Variants in AK9 observed in about 807,000 individuals in gnomAD.
AK9 encodes adenylate kinase domain containing 1.
AK9 carries 191 observed loss-of-function variants against 239.6 expected under a neutral mutation model. That is an observed-to-expected ratio of 0.80 (90% confidence interval 0.71 to 0.90). The LOEUF is 0.90. Ranked by LOEUF, AK9 falls within the 40% of genes least tolerant of loss-of-function variation. AK9 has a pLI of 0.00. For missense variants in AK9, 1,995 were observed against 2,214.7 expected, an observed-to-expected ratio of 0.90 and a Z score of 1.99; for synonymous variants, 689 against 721.0, an observed-to-expected ratio of 0.96 and a Z score of 0.71.
intron 21 of AK9, among the ~76,000 whole-genome samples, chr6:109,572,816 C>G (rs1460934975): frequency 6.6e-6 from 1 of 152,094 alleles, no homozygotes; most frequent in Admixed American, 6.6e-5. Flanking sequence ...AAGCCTCATT[C>G]CCACCACAGG....
intron 28 of AK9, among the ~76,000 whole-genome samples, chr6:109,532,933 C>T (rs965032260): frequency 6.6e-6 from 1 of 152,104 alleles, no homozygotes; most frequent in Admixed American, 6.6e-5. Flanking sequence ...AAAAAGACCT[C>T]TGAAATTTTA....
rs117858784 is a variant in AK9, at chr6:109,526,561, C to T, written c.3633+2450G>A. Among the ~76,000 whole-genome samples, 31 of 151,966 alleles carry T rather than the reference C, an allele frequency of 2.0e-4. No individual in the cohort carries two copies. In the East Asian group the frequency reaches 6.0e-3, roughly 30 times the overall value. On this transcript the variant is annotated intron_variant, in intron 29 of 40. Coordinates refer to ENST00000424296, the MANE Select transcript of AK9 (RefSeq NM_001145128.3). ...GCTACATCTGGACAGAAGCTTGTGC[C>T]AGGAGAGCGATGGATTTTTTTATGA...
chr6:109,510,915 C>T (rs1399033158), intron 32 of AK9, among the ~76,000 whole-genome samples: 1 of 152,168 alleles, frequency 6.6e-6, no homozygotes, highest in African/African-American at 2.4e-5. Context: ...ATGATATCAA[C>T]AGCAAGCTAA....
At chr6:109,650,111 A>T (rs184254471) in intron 8 of AK9, among the ~76,000 whole-genome samples, 2 of 152,260 alleles carry the variant, frequency 1.3e-5, no homozygotes, top group African/African-American at 2.4e-5. Flanking sequence ...CTTAAATGTT[A>T]GACCTAAAAC....
At chr6:109,627,140 T>TTC (rs1795627192) in intron 12 of AK9, among the ~76,000 whole-genome samples, 1 of 142,566 alleles carries the variant, frequency 7.0e-6, no homozygotes, top group African/African-American at 2.6e-5. Flanking sequence ...AAGCTTTTTT[T>TTC]TTTTTTTTTT....
intron 24 of AK9, among the ~76,000 whole-genome samples, chr6:109,553,940 C>A (rs1034768442): frequency 6.6e-6 from 1 of 152,160 alleles, no homozygotes; most frequent in African/African-American, 2.4e-5. Flanking sequence ...AAGGCCTTTT[C>A]TGCATCTATT....
intron 17 of AK9, among the ~76,000 whole-genome samples, chr6:109,597,391 T>G (rs1382271508): frequency 6.6e-6 from 1 of 151,984 alleles, no homozygotes; most frequent in Non-Finnish European, 1.5e-5. Context: ...AATTTTTTTT[T>G]GCCGGGCGCG....
chr6:109,570,925 GGAAAAGAAC>G (rs1361687010), intron 21 of AK9, among the ~76,000 whole-genome samples: 1 of 152,060 alleles, frequency 6.6e-6, no homozygotes, highest in East Asian at 1.9e-4. Flanking sequence ...CACCCCTGTA[GGAAAAGAAC>G]GAAAAGAACA....
In AK9 at chr6:109,644,638, A is replaced by G. The variant is rs1200618478; in HGVS notation, c.810T>C (p.Asn270=). The G allele has an allele frequency of 2.5e-6, 4 of 1,612,330 alleles. No homozygotes were observed. Among genetic ancestry groups the G allele is most frequent in the Non-Finnish European group, 3.4e-6 (4 of 1,179,852 alleles). ...NPQYLIELNG[N]KPAEELFMIV... ...CCATAAAGAGCTCCTCTGCTGGTTTATTTCCATTTAGCTCAATGAGATACT... is the reference window on the plus strand; with the variant it reads ...CCATAAAGAGCTCCTCTGCTGGTTTGTTTCCATTTAGCTCAATGAGATACT... Residue 270 remains asparagine, a synonymous_variant, in exon 9 of 41, where the codon AAT becomes AAC. Transcript: ENST00000424296.
At chr6:109,553,153 G>A (rs1293991516) in intron 24 of AK9, among the ~76,000 whole-genome samples, 1 of 152,102 alleles carries the variant, frequency 6.6e-6, no homozygotes, top group Non-Finnish European at 1.5e-5. Context: ...CTCTAGCTTT[G>A]TTCTTTTTGC....
rs765512837 is a variant in AK9, at chr6:109,550,084, T to TCTCAA, written c.2964+5_2964+6insTTGAG. ...AGCAATCATTAAGATAGGAATACTG[T>TCTCAA]CTCACCTTCAATGGTTCTTCATGAG... On this transcript the variant is annotated splice_donor_region_variant and intron_variant, in intron 25 of 40. Coordinates refer to ENST00000424296, the MANE Select transcript of AK9 (RefSeq NM_001145128.3). The TCTCAA allele has an allele frequency of 5.1e-5, 83 of 1,613,264 alleles. No homozygotes were observed. Among genetic ancestry groups the TCTCAA allele is most frequent in the South Asian group, 2.0e-4 (18 of 90,934 alleles).
In AK9 at chr6:109,623,862, GACACAC is replaced by G. The variant is rs567410173; in HGVS notation, c.1255-4632_1255-4627del. On this transcript the variant is annotated intron_variant, in intron 12 of 40. Coordinates refer to ENST00000424296, the MANE Select transcript of AK9 (RefSeq NM_001145128.3). ...AATGATGAACTAGTTAGGAATCTTA[GACACAC>G]ACACACACACACACACACACACACA... is the stretch of plus-strand genomic sequence containing the variant. Among the ~76,000 whole-genome samples, 1,030 of 136,178 alleles carry G rather than the reference GACACAC, an allele frequency of 7.6e-3. 10 individuals are homozygous for G. Among genetic ancestry groups the G allele is most frequent in the Middle Eastern group, 0.041 (11 of 270 alleles). 89.3% of individuals were successfully genotyped at this position (136,178 alleles called of 152,430 possible).
chr6:109,503,524 A>G (rs1444634787), intron 35 of AK9, among the ~76,000 whole-genome samples: 1 of 152,174 alleles, frequency 6.6e-6, no homozygotes, highest in Non-Finnish European at 1.5e-5. Flanking sequence ...GCCTCCTGGT[A>G]GGAGAGGATC....
chr6:109,639,016 G>A (rs1474387297), intron 10 of AK9, among the ~76,000 whole-genome samples: 1 of 152,102 alleles, frequency 6.6e-6, no homozygotes, highest in African/African-American at 2.4e-5. Context: ...ATTCCATGGT[G>A]TATATGTGCC....
rs781426636 is a variant in AK9 at position 109,675,697 on chromosome 6, C to G, written c.49G>C (p.Asp17His). 6.3e-7 allele frequency: 1 copy of G among 1,598,322 alleles called. No individual in the cohort carries two copies. Among genetic ancestry groups the G allele is most frequent in the Non-Finnish European group, 8.5e-7 (1 of 1,173,842 alleles). ...TEEYPFADIF[D>H]EDETERNFLL... ...AAATTCCTTTCAGTTTCATCTTCAT[C>G]AAATATATCTGCAAAAGGATACTCT... The change falls in exon 2 of 41, where the codon GAT becomes CAT. Residue 17 changes from aspartate to histidine, a missense_variant. This residue lies in a region of AK9 where 252 missense variants were observed against 246.4 expected (regional missense o/e 1.02). Transcript: ENST00000424296.
At chr6:109,660,929 GT>G in intron 6 of AK9, 10 of 504,926 alleles carry the variant, frequency 2.0e-5, no homozygotes, top group South Asian at 4.4e-5. Flanking sequence ...CTTTAACCAG[GT>G]TTTTGGTAGC....
At chr6:109,683,867 C>T (rs942831923) in intron 1 of AK9, among the ~76,000 whole-genome samples, 1 of 152,184 alleles carries the variant, frequency 6.6e-6, no homozygotes, top group Non-Finnish European at 1.5e-5. Context: ...CAAGCTACCA[C>T]TGACTTTCTT....
intron 8 of AK9, among the ~76,000 whole-genome samples, chr6:109,653,947 C>A (rs1473155659): frequency 6.6e-6 from 1 of 152,074 alleles, no homozygotes; most frequent in African/African-American, 2.4e-5. Context: ...TATTTGTGTA[C>A]AACAACAATG....
intron 1 of AK9, among the ~76,000 whole-genome samples, chr6:109,681,416 C>T (rs1308388613): frequency 6.6e-6 from 1 of 152,144 alleles, no homozygotes; most frequent in Non-Finnish European, 1.5e-5. Flanking sequence ...TATATATGCA[C>T]CCAATATAGG....
Sources: allele counts gnomAD v4.1 joint callset (sites outside exome capture counted in the v4.1 genomes callset), GRCh38; gene constraint gnomAD v4.1.1; regional missense constraint gnomAD v4.1.1; transcripts MANE v1.5; gene names NCBI Gene and HGNC (gene_info 2026-07-23, HGNC 2026-07-21).